Variants in PHF21A observed in about 807,000 individuals in gnomAD.
PHF21A encodes PHD finger protein 21A, also known as BHC80a.
Under a neutral mutation model 82.5 loss-of-function variants are expected in PHF21A, and 11 were observed. The ratio of observed to expected loss-of-function variants is 0.13; its 90% CI spans 0.08 to 0.22. The LOEUF is 0.22. Among genes scored for constraint, PHF21A ranks in the 10% least tolerant of loss-of-function variants. PHF21A has a pLI of 1.00. For missense variants in PHF21A, 579 were observed against 837.8 expected (o/e 0.69, Z 3.81); for synonymous variants, 297 against 302.8 (o/e 0.98, Z 0.20).
Position 46,101,936 on chromosome 11 carries a change from C to T in PHF21A, c.-236-9713G>A, listed in dbSNP as rs561665949. ...GCAGTGGCGCAATCTCGGCTCACTA[C>T]AACCTCTGACTCCTGTGTTCAAGCG... On this transcript the variant is annotated intron_variant, in intron 1 of 18. Transcript: ENST00000676320. Among the ~76,000 whole-genome samples, 11 of 151,760 alleles carry T rather than the reference C, an allele frequency of 7.2e-5. No individual in the cohort carries two copies. The South Asian group carries it at 2.3e-3, about 31-fold the overall frequency.
chr11:45,931,493 C>CT lies in PHF21A; in HGVS notation c.*2474dup, dbSNP rs2087651582. On this transcript the variant is annotated 3_prime_UTR_variant, in exon 19 of 19. Transcript: ENST00000676320. The stretch of plus-strand genomic sequence containing the variant: ...CCAATCAAGCAGCCAGGGCCTAACT[C>CT]TGAGGCCTGTTCAGCCTAACTTAAT... The CT allele has an allele frequency of 1.3e-5, 2 of 152,250 alleles. No individual in the cohort carries two copies. Among genetic ancestry groups the CT allele is most frequent in the Admixed American group, 6.5e-5 (1 of 15,290 alleles). 9.4% of individuals were successfully genotyped at this position (152,250 alleles called of 1,614,324 possible).
At chr11:46,033,451 G>C (rs981092229) in intron 6 of PHF21A, among the ~76,000 whole-genome samples, 2 of 152,092 alleles carry the variant, frequency 1.3e-5, no homozygotes, top group African/African-American at 2.4e-5. Flanking sequence ...TTTTGGTAGA[G>C]ATGGGTTTCG....
intron 7 of PHF21A, among the ~76,000 whole-genome samples, chr11:45,971,890 C>CTTTCTTTCTTTTTTTTTTTTTTTTT (rs57081937): frequency 3.8e-4 from 19 of 50,288 alleles, no homozygotes; most frequent in African/African-American, 1.1e-3. Context: ...CTTTTTCTTT[C>CTTTCTTTCTTTTTTTTTTTTTTTTT]TTTTTTTTTT....
intron 6 of PHF21A, among the ~76,000 whole-genome samples, chr11:46,050,707 T>G (rs2096348136): frequency 6.6e-6 from 1 of 152,208 alleles, no homozygotes; most frequent in Non-Finnish European, 1.5e-5. Context: ...TTCAATTTGA[T>G]GGAGAAGAGA....
At chr11:45,986,141 A>T (rs2094485472) in intron 6 of PHF21A, among the ~76,000 whole-genome samples, 1 of 143,146 alleles carries the variant, frequency 7.0e-6, no homozygotes, top group Non-Finnish European at 1.6e-5. Flanking sequence ...TTTACATCTC[A>T]TCTCCATAGG....
chr11:46,086,451 A>C (rs941056465), intron 3 of PHF21A, among the ~76,000 whole-genome samples: 8 of 152,122 alleles, frequency 5.3e-5, no homozygotes, highest in Admixed American at 3.9e-4. Context: ...TGGAATGATA[A>C]CCAATCAATC....
At chr11:45,977,421 G>A (rs2094086421) in intron 7 of PHF21A, among the ~76,000 whole-genome samples, 1 of 152,176 alleles carries the variant, frequency 6.6e-6, no homozygotes, top group Non-Finnish European at 1.5e-5. Flanking sequence ...ACAGGCGTGT[G>A]CCACTGTGCC....
At chr11:45,934,570 A>C in intron 18 of PHF21A, 1 of 250,058 alleles carries the variant, frequency 4.0e-6, no homozygotes, top group Non-Finnish European at 7.7e-6. Context: ...AAAAGTTCCC[A>C]CAGCTGTCCT....
intron 6 of PHF21A, among the ~76,000 whole-genome samples, chr11:46,069,708 T>A (rs78902975): frequency 0.018 from 2,740 of 152,310 alleles, 37 homozygotes; most frequent in Non-Finnish European, 0.029. Flanking sequence ...TAGTATTGAA[T>A]CTCATACTGA....
chr11:46,067,075 T>C (rs574475057), intron 6 of PHF21A, among the ~76,000 whole-genome samples: 9 of 152,354 alleles, frequency 5.9e-5, no homozygotes, highest in Admixed American at 5.2e-4. Flanking sequence ...TCTTTACTAA[T>C]GCACCTTATG....
chr11:45,978,170 C>T (rs1034109608), intron 7 of PHF21A, among the ~76,000 whole-genome samples: 5 of 152,000 alleles, frequency 3.3e-5, no homozygotes, highest in African/African-American at 4.8e-5. Context: ...CATGGTGGCA[C>T]GCGCCTGTAG....
chr11:46,000,732 CA>C (rs2095094504), intron 6 of PHF21A, among the ~76,000 whole-genome samples: 1 of 151,946 alleles, frequency 6.6e-6, no homozygotes, highest in Non-Finnish European at 1.5e-5. Flanking sequence ...CCAGCCTGGC[CA>C]ATAGGGTGAA....
intron 6 of PHF21A, among the ~76,000 whole-genome samples, chr11:46,071,163 T>C (rs1400166972): frequency 6.6e-6 from 1 of 152,238 alleles, no homozygotes; most frequent in Non-Finnish European, 1.5e-5. Context: ...TTTTGGCTAA[T>C]GAGATGTTAA....
At chr11:46,010,734 T>G (rs563814506) in intron 6 of PHF21A, among the ~76,000 whole-genome samples, 1 of 152,182 alleles carries the variant, frequency 6.6e-6, no homozygotes, top group East Asian at 1.9e-4. Context: ...GAAAAAGATA[T>G]ATGTATTTCT....
chr11:46,042,379 G>A lies in PHF21A; in HGVS notation c.153+34375C>T, dbSNP rs561990398. On this transcript the variant is annotated intron_variant, in intron 6 of 18. Coordinates refer to ENST00000676320, the MANE Select transcript of PHF21A (RefSeq NM_001352027.3). ...CCTAGAAGCAGCCATATTAGTATGT[G>A]TGATAGTGCAACTCCGGAAAGTTCA... Among the ~76,000 whole-genome samples, 37 of 152,258 alleles carry A rather than the reference G, an allele frequency of 2.4e-4. 1 individual carries two copies. The highest frequency in any genetic ancestry group is 7.9e-4 in the African/African-American group (33 of 41,546).
At chr11:45,947,315 G>GA (rs1221508837) in intron 14 of PHF21A, among the ~76,000 whole-genome samples, 2 of 151,152 alleles carry the variant, frequency 1.3e-5, no homozygotes, top group South Asian at 2.1e-4. Flanking sequence ...CACACCAAAG[G>GA]AAAAAAAAGG....
intron 4 of PHF21A, among the ~76,000 whole-genome samples, chr11:46,083,230 A>G (rs1047276060): frequency 2.6e-5 from 4 of 152,004 alleles, no homozygotes; most frequent in Non-Finnish European, 5.9e-5. Flanking sequence ...CATAGGGCCA[A>G]CTCTGCAGCG....
intron 9 of PHF21A, among the ~76,000 whole-genome samples, chr11:45,966,778 C>T (rs1479626127): frequency 6.6e-6 from 1 of 152,068 alleles, no homozygotes; most frequent in Non-Finnish European, 1.5e-5. Flanking sequence ...TGCCAGCACG[C>T]CCAGCTAATT....
intron 6 of PHF21A, among the ~76,000 whole-genome samples, chr11:46,046,716 G>A (rs2096263161): frequency 7.4e-6 from 1 of 135,836 alleles, no homozygotes; most frequent in Admixed American, 7.2e-5. Context: ...AGGTGGTAAT[G>A]CAGATGGCAA....
Sources: allele counts gnomAD v4.1 joint callset (sites outside exome capture counted in the v4.1 genomes callset), GRCh38; gene constraint gnomAD v4.1.1; transcripts MANE v1.5; gene names NCBI Gene and HGNC (gene_info 2026-07-23, HGNC 2026-07-21).